Variants in KDM2A observed in about 807,000 individuals in gnomAD.
KDM2A encodes the protein lysine demethylase 2A.
Under a neutral mutation model 137.3 loss-of-function variants are expected in KDM2A, and 3 were observed. The ratio of observed to expected loss-of-function variants is 0.02; its 90% CI spans 0.01 to 0.06. KDM2A has a LOEUF of 0.06. Ranked by LOEUF, KDM2A falls within the 10% of genes least tolerant of loss-of-function variation. KDM2A has a pLI of 1.00. For synonymous variants in KDM2A, 512 were observed against 541.5 expected, an observed-to-expected ratio of 0.95 and a Z score of 0.76; for missense variants, 738 against 1,510.6, an observed-to-expected ratio of 0.49 and a Z score of 8.48.
chr11:67,252,799 C>T lies in KDM2A; in HGVS notation c.2874C>T (p.Asp958=), dbSNP rs371257221. 1 of 1,613,828 alleles carries T rather than the reference C, an allele frequency of 6.2e-7. No homozygotes were observed. The highest frequency in any genetic ancestry group is 8.5e-7 in the Non-Finnish European group (1 of 1,179,854). ...GIIKRQPVSL[D]LSWTNISKKQ... ...TCAAGAGGCAGCCAGTCAGCCTTGA[C>T]CTCAGTTGGACCAACATCTCTAAAA... The change falls in exon 18 of 21, where the codon GAC becomes GAT. Residue 958 remains aspartate (D), a synonymous_variant. Coordinates refer to ENST00000529006, the MANE Select transcript of KDM2A (RefSeq NM_012308.3).
At chr11:67,143,884 G>A (rs1358335894) in intron 2 of KDM2A, among the ~76,000 whole-genome samples, 2 of 151,824 alleles carry the variant, frequency 1.3e-5, no homozygotes, top group Admixed American at 6.6e-5. Context: ...CGCCTGCGTC[G>A]GCCTCCCAAA....
chr11:67,215,241 G>A (rs531978250), intron 6 of KDM2A, 99 bp from the exon 7 acceptor site: 40 of 664,302 alleles, frequency 6.0e-5, no homozygotes, highest in Middle Eastern at 5.1e-4. Flanking sequence ...ATAGTTTTTT[G>A]TTATGTATTT....
intron 2 of KDM2A, among the ~76,000 whole-genome samples, chr11:67,155,412 G>A (rs546096813): frequency 1.5e-3 from 221 of 151,554 alleles, no homozygotes; most frequent in African/African-American, 4.9e-3. Flanking sequence ...AGGCTCAAGC[G>A]ATTATCCTGT....
intron 5 of KDM2A, among the ~76,000 whole-genome samples, chr11:67,186,256 C>T (rs1435423061): frequency 1.3e-5 from 2 of 151,968 alleles, no homozygotes; most frequent in Non-Finnish European, 2.9e-5. Context: ...AGAGAAATGA[C>T]TAAATGATTC....
intron 2 of KDM2A, among the ~76,000 whole-genome samples, chr11:67,162,653 G>T (rs573814343): frequency 2.6e-5 from 4 of 152,176 alleles, no homozygotes; most frequent in Admixed American, 2.0e-4. Context: ...TGATCCGCCC[G>T]CCTCGGCCTC....
At chr11:67,176,074 C>CT (rs1224764154) in intron 2 of KDM2A, among the ~76,000 whole-genome samples, 1 of 151,696 alleles carries the variant, frequency 6.6e-6, no homozygotes, top group Non-Finnish European at 1.5e-5. Flanking sequence ...AAAATTAAAC[C>CT]TTCTTTTGGC....
intron 2 of KDM2A, among the ~76,000 whole-genome samples, chr11:67,143,694 G>A (rs1184685387): frequency 6.6e-6 from 1 of 151,498 alleles, no homozygotes; most frequent in Non-Finnish European, 1.5e-5. Flanking sequence ...GTGCAATGAC[G>A]CGATCTTGGC....
At chr11:67,159,526 A>T (rs1228215223) in intron 2 of KDM2A, among the ~76,000 whole-genome samples, 1 of 152,204 alleles carries the variant, frequency 6.6e-6, no homozygotes, top group Non-Finnish European at 1.5e-5. Context: ...TCAGGTCAGG[A>T]GATACACAAT....
chr11:67,120,541 C>T (rs537004658), intron 1 of KDM2A, among the ~76,000 whole-genome samples: 172 of 152,278 alleles, frequency 1.1e-3, no homozygotes, highest in Non-Finnish European at 1.9e-3. Flanking sequence ...TCCTTGTATC[C>T]TTAGATGCAA....
At chr11:67,205,603 A>G (rs2136378182) in intron 5 of KDM2A, among the ~76,000 whole-genome samples, 1 of 151,368 alleles carries the variant, frequency 6.6e-6, no homozygotes, top group Middle Eastern at 3.4e-3. Context: ...AATTTTTTGT[A>G]TTTGTATTTG....
chr11:67,216,076 A>G, intron 8 of KDM2A, 127 bp downstream of exon 8: 3 of 754,084 alleles, frequency 4.0e-6, no homozygotes, highest in South Asian at 3.2e-5. Flanking sequence ...GTATCTGGAA[A>G]GAATTATAGA....
At chr11:67,244,463 T>C (rs537452382) in intron 13 of KDM2A, among the ~76,000 whole-genome samples, 4 of 152,112 alleles carry the variant, frequency 2.6e-5, no homozygotes, top group Admixed American at 6.5e-5. Context: ...TGAGGAAATA[T>C]TGGAGGGCTC....
Position 67,254,506 on chromosome 11 carries a change from G to A in KDM2A, c.3307+88G>A. ...GATCAGTAAACCAGAATGACCTTGGGTCTGTTGATTGACCCACATCAGCTC... is the reference window on the plus strand; with the variant it reads ...GATCAGTAAACCAGAATGACCTTGGATCTGTTGATTGACCCACATCAGCTC... On this transcript the variant is annotated intron_variant, in intron 20 of 20. Transcript: ENST00000529006. The surrounding 1 kb of genome is among the most constrained non-coding windows in gnomAD (Gnocchi z 4.7). 1.7e-6 allele frequency: 2 copies of A among 1,158,126 alleles called. No individual in the cohort carries two copies. The highest frequency in any genetic ancestry group is 1.7e-5 in the Admixed American group (1 of 58,212). 71.7% of individuals were successfully genotyped at this position (1,158,126 alleles called of 1,614,324 possible). A position where few individuals can be genotyped will look rare whatever the true frequency, so the allele number is the denominator to read the frequency against.
intron 5 of KDM2A, among the ~76,000 whole-genome samples, chr11:67,193,670 G>C (rs1487015569): frequency 6.6e-6 from 1 of 152,088 alleles, no homozygotes; most frequent in Non-Finnish European, 1.5e-5. Flanking sequence ...AGACCAGCCT[G>C]ACCAACATGG....
chr11:67,120,553 C>A (rs1372940278), intron 1 of KDM2A, among the ~76,000 whole-genome samples: 5 of 152,138 alleles, frequency 3.3e-5, no homozygotes, highest in Admixed American at 6.6e-5. Context: ...TAGATGCAAT[C>A]GTTTATTTTA....
chr11:67,128,310 G>A (rs1263391994), intron 2 of KDM2A, among the ~76,000 whole-genome samples: 3 of 151,898 alleles, frequency 2.0e-5, no homozygotes, highest in Admixed American at 6.6e-5. Context: ...GAGCCACTGC[G>A]CCTGGACCCG....
At chr11:67,190,843 G>C (rs1412455978) in intron 5 of KDM2A, among the ~76,000 whole-genome samples, 1 of 152,098 alleles carries the variant, frequency 6.6e-6, no homozygotes, top group Non-Finnish European at 1.5e-5. Context: ...CACAAAACTT[G>C]TTAAGACTAA....
intron 12 of KDM2A, among the ~76,000 whole-genome samples, chr11:67,237,521 C>T (rs1385117584): frequency 2.0e-5 from 3 of 151,980 alleles, no homozygotes; most frequent in African/African-American, 7.2e-5. Context: ...GAATCTTGAA[C>T]TCCTTGCCTT....
intron 17 of KDM2A, chr11:67,252,371 T>TA (rs1224148304): frequency 2.0e-5 from 7 of 341,612 alleles, no homozygotes; most frequent in Non-Finnish European, 3.4e-5. Context: ...GCCATTTTAA[T>TA]ACAGATGAAG....
Sources: gnomAD v4.1 joint callset for allele counts (sites outside exome capture counted in the v4.1 genomes callset) on GRCh38, gnomAD v4.1.1 for gene constraint, Gnocchi (gnomAD v3.1) non-coding constraint, MANE v1.5 for transcripts, NCBI Gene and HGNC (gene_info 2026-07-23, HGNC 2026-07-21) for gene names.